The following IFNLR1 variants were observed in gnomAD, a reference collection of about 807,000 sequenced individuals.
IFNLR1 encodes interferon lambda receptor 1, also known as CRF2-12.
A neutral mutation model predicts 52.5 loss-of-function variants in IFNLR1; 28 were observed. That is an observed-to-expected ratio of 0.53 (90% CI 0.40 to 0.73). The LOEUF (loss-of-function observed/expected upper bound fraction) is 0.73. Among genes scored for constraint, IFNLR1 ranks in the 30% least tolerant of loss-of-function variants. IFNLR1 has a pLI of 0.00. For synonymous variants in IFNLR1, 276 were observed against 274.9 expected (o/e 1.00, Z -0.04); for missense variants, 623 against 659.1 (o/e 0.95, Z 0.60).
chr1:24,180,672 T>TGCCCC, intron 2 of IFNLR1, 59 bp downstream of exon 2: 2 of 432,142 alleles, frequency 4.6e-6, no homozygotes, highest in Non-Finnish European at 4.4e-6. Context: ...GAGAAGCCCC[T>TGCCCC]CCAGCCCCCA....
At chr1:24,173,586 C>T (rs1644602747) in intron 2 of IFNLR1, among the ~76,000 whole-genome samples, 1 of 151,572 alleles carries the variant, frequency 6.6e-6, no homozygotes, top group Non-Finnish European at 1.5e-5. Flanking sequence ...ACCCTAGATC[C>T]ATTTTTCTTC....
chr1:24,182,762 A>G (rs2148604188), intron 1 of IFNLR1, among the ~76,000 whole-genome samples: 2 of 152,126 alleles, frequency 1.3e-5, no homozygotes, highest in East Asian at 3.9e-4. Flanking sequence ...TCTACTAAAA[A>G]CACAAAAATT....
chr1:24,170,310 T>C (rs1366614645), intron 2 of IFNLR1, among the ~76,000 whole-genome samples: 1 of 152,208 alleles, frequency 6.6e-6, no homozygotes, highest in Non-Finnish European at 1.5e-5. Flanking sequence ...GGTATTTTGT[T>C]AAAGCAGTAC....
At chr1:24,162,817 TTC>T (rs1482583203) in intron 3 of IFNLR1, among the ~76,000 whole-genome samples, 691 of 52,612 alleles carry the variant, frequency 0.013, 37 homozygotes, top group Non-Finnish European at 0.018. Context: ...CTTTCTTTTT[TTC>T]TTCTTTCTTT....
chr1:24,159,164 A>C lies in IFNLR1; in HGVS notation c.689T>G (p.Leu230Arg). 1.2e-6 allele frequency: 2 copies of C among 1,614,186 alleles called. No individual in the cohort carries two copies. Among genetic ancestry groups the C allele is most frequent in the Non-Finnish European group, 1.7e-6 (2 of 1,180,018 alleles). The change falls in exon 6 of 7, where the codon CTG (leucine) becomes CGG (arginine). Residue 230 changes from leucine to arginine, a missense_variant. Transcript: ENST00000327535. ...CAGTATCAGAAGCGATGGCAGCACCAGGAAAGCCCAGTTGGCTTCTAAGGA... is the reference window on the plus strand; with the variant it reads ...CAGTATCAGAAGCGATGGCAGCACCCGGAAAGCCCAGTTGGCTTCTAAGGA... ...LEVPEANWAF[L>R]VLPSLLILLL... is the part of the protein sequence containing the mutation.
At chr1:24,175,762 A>G (rs531202982) in intron 2 of IFNLR1, among the ~76,000 whole-genome samples, 280 of 152,198 alleles carry the variant, frequency 1.8e-3, no homozygotes, top group Non-Finnish European at 3.5e-3. Context: ...GTGAAACCCC[A>G]TTTCTACTAA....
intron 3 of IFNLR1, among the ~76,000 whole-genome samples, chr1:24,166,718 AT>A (rs111879080): frequency 0.22 from 32,593 of 148,402 alleles, 3,882 homozygotes; most frequent in East Asian, 0.5. Context: ...AGCGAATTTA[AT>A]TTTTTTTTTT....
chr1:24,181,377 G>A (rs1192621188), intron 1 of IFNLR1, among the ~76,000 whole-genome samples: 2 of 152,198 alleles, frequency 1.3e-5, no homozygotes, highest in African/African-American at 2.4e-5. Flanking sequence ...CAAGCCAGTG[G>A]CCAGAGATAA....
At chr1:24,175,069 G>A (rs935203321) in intron 2 of IFNLR1, among the ~76,000 whole-genome samples, 7 of 152,200 alleles carry the variant, frequency 4.6e-5, no homozygotes, top group African/African-American at 1.4e-4. Context: ...AATGAAGGAA[G>A]GCTGTTGGAC....
chr1:24,157,403 G>A lies in IFNLR1; in HGVS notation c.1290C>T (p.Phe430=), dbSNP rs754345103. ...CTTCCAGGAAACCCGAGTCCTTGGAGAATTCAGGTGGTGGGAGAGATTCTT... is the reference window on the plus strand; with the variant it reads ...CTTCCAGGAAACCCGAGTCCTTGGAAAATTCAGGTGGTGGGAGAGATTCTT... ...GHQESLPPPE[F]SKDSGFLEEL... Residue 430 remains phenylalanine, a synonymous_variant, in exon 7 of 7, where the codon TTC becomes TTT. Coordinates refer to ENST00000327535, the MANE Select transcript of IFNLR1 (RefSeq NM_170743.4). The surrounding 1 kb of genome is among the most constrained non-coding windows in gnomAD (Gnocchi z 5.1). 4 of 1,614,200 alleles carry A rather than the reference G, an allele frequency of 2.5e-6. No homozygotes were observed. The South Asian group carries it at 3.3e-5, about 13-fold the overall frequency.
At chr1:24,163,806 C>T (rs1026287562) in intron 3 of IFNLR1, among the ~76,000 whole-genome samples, 5 of 151,904 alleles carry the variant, frequency 3.3e-5, no homozygotes, top group Non-Finnish European at 7.4e-5. Flanking sequence ...CTCGAACTGC[C>T]GACCTCAGGT....
intron 2 of IFNLR1, among the ~76,000 whole-genome samples, chr1:24,170,486 G>C (rs375070566): frequency 6.6e-6 from 1 of 152,004 alleles, no homozygotes; most frequent in South Asian, 2.1e-4. Flanking sequence ...TCAGCCTCCC[G>C]AGTAGATGGG....
chr1:24,163,030 A>G (rs1278343396), intron 3 of IFNLR1, among the ~76,000 whole-genome samples: 3 of 134,098 alleles, frequency 2.2e-5, no homozygotes, highest in African/African-American at 8.6e-5. Context: ...GGGCGATCTC[A>G]GCTCACTGCA....
Position 24,157,006 on chromosome 1 carries a change from C to T in IFNLR1, c.*124G>A, listed in dbSNP as rs1001318135. 8.6e-7 allele frequency: 1 copy of T among 1,158,678 alleles called. No homozygotes were observed. Among genetic ancestry groups the T allele is most frequent in the Middle Eastern group, 3.0e-4 (1 of 3,322 alleles). 71.8% of individuals were successfully genotyped at this position (1,158,678 alleles called of 1,614,324 possible). A position where few individuals can be genotyped will look rare whatever the true frequency, so the allele number is the denominator to read the frequency against. Reference sequence around the variant, plus strand: ...GGCAAACAGCCGCTAGGTGGACTTCCCGGAAGTGCAATGCCCCTCCGCCGC... The same window carrying T: ...GGCAAACAGCCGCTAGGTGGACTTCTCGGAAGTGCAATGCCCCTCCGCCGC... On this transcript the variant is annotated 3_prime_UTR_variant, in exon 7 of 7. Transcript: ENST00000327535. The surrounding 1 kb of genome is among the most constrained non-coding windows in gnomAD (Gnocchi z 5.1).
At chr1:24,180,676 G>GCCCCCCCCCCCCCCC in intron 2 of IFNLR1, 55 bp downstream of exon 2, 2 of 455,866 alleles carry the variant, frequency 4.4e-6, no homozygotes, top group South Asian at 1.8e-5. Flanking sequence ...AGCCCCTCCA[G>GCCCCCCCCCCCCCCC]CCCCCACCCA....
chr1:24,166,203 A>ATCCATCCATCCT (rs1553162460), intron 3 of IFNLR1, among the ~76,000 whole-genome samples: 2 of 59,648 alleles, frequency 3.4e-5, no homozygotes, highest in African/African-American at 1.2e-4. Flanking sequence ...CCATCCATCC[A>ATCCATCCATCCT]TCCTTCCTTC....
chr1:24,186,763 C>T (rs2148606229), intron 1 of IFNLR1, among the ~76,000 whole-genome samples: 1 of 152,348 alleles, frequency 6.6e-6, no homozygotes, highest in South Asian at 2.1e-4. Flanking sequence ...GCGACCAGAG[C>T]TCCGTCCCAC....
chr1:24,184,190 T>C (rs1644716094), intron 1 of IFNLR1, among the ~76,000 whole-genome samples: 1 of 152,196 alleles, frequency 6.6e-6, no homozygotes, highest in African/African-American at 2.4e-5. Flanking sequence ...TGTTCCCTCA[T>C]GCTGTTCCCT....
At chr1:24,173,653 C>G (rs953983455) in intron 2 of IFNLR1, among the ~76,000 whole-genome samples, 1 of 148,484 alleles carries the variant, frequency 6.7e-6, no homozygotes, top group Non-Finnish European at 1.5e-5. Context: ...CCTCCCCTCT[C>G]TCTCTTTTTT....
Sources: allele counts gnomAD v4.1 joint callset (sites outside exome capture counted in the v4.1 genomes callset), GRCh38; gene constraint gnomAD v4.1.1; non-coding constraint Gnocchi (gnomAD v3.1); transcripts MANE v1.5; gene names NCBI Gene and HGNC (gene_info 2026-07-23, HGNC 2026-07-21).